Variants in KMT2D observed in about 807,000 individuals in gnomAD.
The protein encoded by KMT2D is histone-lysine N-methyltransferase 2D.
KMT2D carries 55 observed loss-of-function variants against 512.7 expected under a neutral mutation model. The observed-to-expected ratio is 0.11, with a 90% CI of 0.09 to 0.13. The LOEUF (loss-of-function observed/expected upper bound fraction) is 0.13, where lower values mean the gene tolerates loss of function less well. KMT2D is among the 10% of genes least tolerant of loss of function. The probability of loss-of-function intolerance (pLI) is 1.00; values close to 1 mark genes in which losing one functional copy is unlikely to be tolerated. For missense variants in KMT2D, 6,061 were observed against 7,127.9 expected (o/e 0.85, Z 5.39); for synonymous variants, 2,995 against 2,904.0 (o/e 1.03, Z -1.01).
chr12:49,046,286 T>C lies in KMT2D; in HGVS notation c.4557A>G (p.Leu1519=), dbSNP rs1405186936. ...ICHAPYVEED[L]LIQCRHCERW... ...GTTCACAGTGGCGGCACTGGATTAG[T>C]AGGTCCTCTTCTACGTAAGGAGCAT... is the stretch of plus-strand genomic sequence containing the variant. Residue 1519 remains leucine (L), a synonymous_variant, in exon 17 of 55, where the codon CTA becomes CTG. Coordinates refer to ENST00000301067, the MANE Select transcript of KMT2D (RefSeq NM_003482.4). The surrounding 1 kb of genome is among the most constrained non-coding windows in gnomAD (Gnocchi z 4.2). 6.2e-7 allele frequency: 1 copy of C among 1,613,856 alleles called. No individual in the cohort carries two copies. The highest frequency in any genetic ancestry group is 1.3e-5 in the African/African-American group (1 of 74,902).
chr12:49,060,120 C>A lies in KMT2D; in HGVS notation c.-545G>T, dbSNP rs917657204. ...CGCAGGAGCGCCGAGCCCCTCTCCCCGCCCCGGCCGGCGCCCGGGGCCGCG... is the reference window on the plus strand; with the variant it reads ...CGCAGGAGCGCCGAGCCCCTCTCCCAGCCCCGGCCGGCGCCCGGGGCCGCG... On this transcript the variant is annotated 5_prime_UTR_variant, in exon 1 of 55. Coordinates refer to ENST00000301067, the MANE Select transcript of KMT2D (RefSeq NM_003482.4). 1.3e-5 allele frequency among the ~76,000 whole-genome samples: 2 copies of A among 151,322 alleles called. No individual in the cohort carries two copies. Among genetic ancestry groups the A allele is most frequent in the African/African-American group, 4.8e-5 (2 of 41,266 alleles).
chr12:49,043,940 A>G lies in KMT2D; in HGVS notation c.5247T>C (p.Asp1749=). Residue 1749 remains aspartate, a synonymous_variant, in exon 23 of 55, where the codon GAT becomes GAC. Coordinates refer to ENST00000301067, the MANE Select transcript of KMT2D (RefSeq NM_003482.4). ...GAVEQSLAEG[D]EKKKQQRRGR... is the part of the protein sequence containing the mutation. ...CTCGCCGCTGTTGCTTCTTCTTCTC[A>G]TCCCCTTCAGCTAAGCTCTGCTCCA... 6.2e-7 allele frequency: 1 copy of G among 1,613,982 alleles called. No homozygotes were observed. Among genetic ancestry groups the G allele is most frequent in the South Asian group, 1.1e-5 (1 of 91,086 alleles).
Position 49,032,620 on chromosome 12 carries a change from C to T in KMT2D, c.12085G>A (p.Val4029Ile), listed in dbSNP as rs376131669. ...GCCTCTGAAGAAACGGCTGGGTCTA[C>T]GGTGTTTTGTTCCTTGCCCGTCAGG... ...LLLTGKEQNT[V>I]DPAVSSEATE... is the part of the protein sequence containing the mutation. The change falls in exon 40 of 55, where the codon GTA becomes ATA. Residue 4029 changes from valine (V) to isoleucine (I), a missense_variant. Val to Ile is a conservative substitution (Grantham distance 29). Coordinates refer to ENST00000301067, the MANE Select transcript of KMT2D (RefSeq NM_003482.4). 16 of 1,613,846 alleles carry T rather than the reference C, an allele frequency of 9.9e-6. No homozygotes were observed. The highest frequency in any genetic ancestry group is 9.3e-5 in the African/African-American group (7 of 74,904).
At position 49,039,512 on chromosome 12, in the gene KMT2D, C is replaced by T. The variant is rs1943384101; in HGVS notation, c.8152G>A (p.Gly2718Ser). The change falls in exon 33 of 55, where the codon GGC becomes AGC. Residue 2718 changes from glycine (G) to serine (S), a missense_variant. Transcript: ENST00000301067. This position sits in a 1 kb window ranked among gnomAD's most constrained non-coding sequence, Gnocchi z 5.0. Reference sequence around the variant, plus strand: ...CTGCTGGGCTCAGCACCCCAGCTGCCTGGAGGCCCCACTGCTCCTGCAGCT... The same window carrying T: ...CTGCTGGGCTCAGCACCCCAGCTGCTTGGAGGCCCCACTGCTCCTGCAGCT... ...AAAAGAVGPP[G>S]SWGAEPSSPA... is the part of the protein sequence containing the mutation. 4 of 1,612,260 alleles carry T rather than the reference C, an allele frequency of 2.5e-6. No individual in the cohort carries two copies. The highest frequency in any genetic ancestry group is 1.1e-5 in the South Asian group (1 of 90,888).
chr12:49,045,306 A>G (rs1215781131), intron 19 of KMT2D, among the ~76,000 whole-genome samples: 2 of 152,190 alleles, frequency 1.3e-5, no homozygotes, highest in African/African-American at 4.8e-5. Context: ...CAGCAGTGCC[A>G]TATCACGATG....
intron 48 of KMT2D, 37 bp from the exon 49 acceptor site, chr12:49,027,359 C>T (rs772894530): frequency 1.3e-5 from 19 of 1,472,898 alleles, no homozygotes; most frequent in Non-Finnish European, 1.7e-5. Context: ...GTGCCAGCTC[C>T]TCATCTAACT....
rs766434363 is a variant in KMT2D, at chr12:49,046,454, C to A, written c.4419-30G>T. 8 of 1,608,668 alleles carry A rather than the reference C, an allele frequency of 5.0e-6. No homozygotes were observed. Among genetic ancestry groups the A allele is most frequent in the Non-Finnish European group, 6.8e-6 (8 of 1,176,314 alleles). On this transcript the variant is annotated intron_variant, in intron 16 of 54. Transcript: ENST00000301067. This position sits in a 1 kb window ranked among gnomAD's most constrained non-coding sequence, Gnocchi z 4.2. Reference sequence around the variant, plus strand: ...TAGGAGCAGGAAAACAGAGCTTTAGCACCCAACCTACCCGAAGTACCCAGA... The same window carrying A: ...TAGGAGCAGGAAAACAGAGCTTTAGAACCCAACCTACCCGAAGTACCCAGA...
chr12:49,028,689 GCCTCTAGCCCAGGCTTTC>G, intron 46 of KMT2D, 121 bp downstream of exon 46: 1 of 1,138,934 alleles, frequency 8.8e-7, no homozygotes, highest in Non-Finnish European at 1.2e-6. Context: ...GAATCTCACA[GCCTCTAGCCCAGGCTTTC>G]ACATACAATA....
chr12:49,030,565 T>C, intron 42 of KMT2D, 36 bp downstream of exon 42: 1 of 1,533,218 alleles, frequency 6.5e-7, no homozygotes, highest in Non-Finnish European at 8.8e-7. Flanking sequence ...TCCCAAGAAC[T>C]TCACTATTCC....
chr12:49,026,426 C>G lies in KMT2D; in HGVS notation c.15540G>C (p.Val5180=), dbSNP rs149393179. ...CGATGGCGTGGAACACAAGGCCCCC[C>G]ACACGGAACATGTGCAGCCGTTCTC... ...QRGERLHMFR[V]GGLVFHAIGQ... is the part of the protein sequence containing the mutation. Residue 5180 remains valine, a synonymous_variant, in exon 49 of 55, where the codon GTG becomes GTC. Coordinates refer to ENST00000301067, the MANE Select transcript of KMT2D (RefSeq NM_003482.4). The surrounding 1 kb of genome is among the most constrained non-coding windows in gnomAD (Gnocchi z 9.6). 336 of 1,614,008 alleles carry G rather than the reference C, an allele frequency of 2.1e-4. 2 individuals are homozygous for G. In the East Asian group the frequency reaches 6.5e-3, roughly 31 times the overall value.
At chr12:49,048,860 A>C (rs1332710972) in intron 13 of KMT2D, 91 bp from the exon 14 acceptor site, 1 of 893,194 alleles carries the variant, frequency 1.1e-6, no homozygotes, top group African/African-American at 1.7e-5. Context: ...GAAAGTGTGA[A>C]CCCTTGGTTA....
chr12:49,034,586 C>A lies in KMT2D; in HGVS notation c.10436G>T (p.Gly3479Val), dbSNP rs754997072. 1.2e-6 allele frequency: 2 copies of A among 1,613,368 alleles called. No homozygotes were observed. Among genetic ancestry groups the A allele is most frequent in the Admixed American group, 3.3e-5 (2 of 59,922 alleles). Residue 3479 changes from glycine (G) to valine (V), a missense_variant, in exon 37 of 55, where the codon GGC (glycine) becomes GTC (valine). Gly to Val is a moderately radical substitution (Grantham distance 109). Around this residue, in one of 16 missense-constraint regions of KMT2D, gnomAD observed 533 missense variants for 539.6 expected, o/e 0.99. Transcript: ENST00000301067. Reference sequence around the variant, plus strand: ...TACTCCCACCTGACCACTTACCTGGCCACTCCCAGCTGCCACATGGTTCTG... The same window carrying A: ...TACTCCCACCTGACCACTTACCTGGACACTCCCAGCTGCCACATGGTTCTG... ...DLQNHVAAGS[G>V]QERSAGDPSQ...
Position 49,043,927 on chromosome 12 carries a change from G to T in KMT2D, c.5260C>A (p.Gln1754Lys). Residue 1754 changes from glutamine (Q) to lysine (K), a missense_variant, in exon 23 of 55, where the codon CAA (glutamine) becomes AAA (lysine). Coordinates refer to ENST00000301067, the MANE Select transcript of KMT2D (RefSeq NM_003482.4). ...CTCTTCTTGCGCCCTCGCCGCTGTT[G>T]CTTCTTCTTCTCATCCCCTTCAGCT... ...SLAEGDEKKK[Q>K]QRRGRKKSKL... 6.2e-7 allele frequency: 1 copy of T among 1,614,058 alleles called. No homozygotes were observed. Among genetic ancestry groups the T allele is most frequent in the Non-Finnish European group, 8.5e-7 (1 of 1,179,908 alleles).
Position 49,041,276 on chromosome 12 carries a change from G to A in KMT2D, c.6494C>T (p.Pro2165Leu), listed in dbSNP as rs779951879. Residue 2165 changes from proline to leucine, a missense_variant, in exon 32 of 55, where the codon CCC becomes CTC. Transcript: ENST00000301067. This position sits in a 1 kb window ranked among gnomAD's most constrained non-coding sequence, Gnocchi z 5.4. ...SPGELFLKLP[P>L]QVPAQVPSQD... Reference sequence around the variant, plus strand: ...CGAAGGCACTTGGGCGGGCACCTGGGGTGGGAGCTTGAGGAAGAGCTCACC... The same window carrying A: ...CGAAGGCACTTGGGCGGGCACCTGGAGTGGGAGCTTGAGGAAGAGCTCACC... 16 of 1,520,874 alleles carry A rather than the reference G, an allele frequency of 1.1e-5. No homozygotes were observed. The highest frequency in any genetic ancestry group is 1.4e-5 in the Non-Finnish European group (16 of 1,137,928). The allele number at this position is 1,520,874 out of a possible 1,614,324, so 94.2% of individuals were successfully genotyped here.
At position 49,052,231 on chromosome 12, in the gene KMT2D, G is replaced by A. The variant is rs1158397875; in HGVS notation, c.1452C>T (p.His484=). 4 of 1,612,568 alleles carry A rather than the reference G, an allele frequency of 2.5e-6. No individual in the cohort carries two copies. Among genetic ancestry groups the A allele is most frequent in the Non-Finnish European group, 3.4e-6 (4 of 1,179,422 alleles). ...LPASPLPEAL[H]LSRPLEESPL... is the part of the protein sequence containing the mutation. ...GCGATTCCTCCAGCGGCCGGGACAG[G>A]TGCAATGCCTCAGGAAGTGGGGATG... Residue 484 remains histidine, a synonymous_variant, in exon 11 of 55, where the codon CAC becomes CAT. Transcript: ENST00000301067.
At position 49,033,798 on chromosome 12, in the gene KMT2D, A is replaced by T; in HGVS notation, c.10907T>A (p.Leu3636His). 3.1e-6 allele frequency: 5 copies of T among 1,599,768 alleles called. No individual in the cohort carries two copies. Among genetic ancestry groups the T allele is most frequent in the Non-Finnish European group, 4.3e-6 (5 of 1,173,150 alleles). The change falls in exon 40 of 55, where the codon CTC (leucine) becomes CAC (histidine). Residue 3636 changes from leucine to histidine, a missense_variant. Physicochemically the swap from Leu to His is moderately conservative, Grantham distance 99. Transcript: ENST00000301067. ...RLLTKLPGQL[L>H]PGHGLQPPQG... ...TGGTGGCTGCAGCCCATGGCCAGGG[A>T]GCAGCTGACCAGGGAGCTTGGTGAG... is the stretch of plus-strand genomic sequence containing the variant.
chr12:49,033,612 C>G lies in KMT2D; in HGVS notation c.11093G>C (p.Gly3698Ala), dbSNP rs931451601. The change falls in exon 40 of 55, where the codon GGC (glycine) becomes GCC (alanine). Residue 3698 changes from glycine (G) to alanine (A), a missense_variant. Around this residue, in one of 16 missense-constraint regions of KMT2D, gnomAD observed 1,600 missense variants for 1,754.9 expected, o/e 0.91. Transcript: ENST00000301067. ...AAGAGCAAGGTTGCCAGGGAAGAAG[C>G]CCCCTGAAGGGCCAGCCAGGGATCC... ...GAGSLAGPSG[G>A]FFPGNLALRS... 1 of 1,613,470 alleles carries G rather than the reference C, an allele frequency of 6.2e-7. No individual in the cohort carries two copies. The highest frequency in any genetic ancestry group is 8.5e-7 in the Non-Finnish European group (1 of 1,179,832).
Position 49,022,388 on chromosome 12 carries a change from A to G in KMT2D, c.16339-35T>C, listed in dbSNP as rs756533380. On this transcript the variant is annotated intron_variant, in intron 52 of 54. Transcript: ENST00000301067. This position sits in a 1 kb window ranked among gnomAD's most constrained non-coding sequence, Gnocchi z 8.6. ...CAGAGGTTGCAGAAGAAGGGACAAG[A>G]GTATCAGAGAGTGGCAGTGGTGGCT... is the stretch of plus-strand genomic sequence containing the variant. 1.5e-5 allele frequency: 23 copies of G among 1,579,996 alleles called. 1 individual carries two copies. In the South Asian group the frequency reaches 2.3e-4, roughly 16 times the overall value.
chr12:49,031,163 C>T lies in KMT2D; in HGVS notation c.13530+12G>A, dbSNP rs1942888916. On this transcript the variant is annotated intron_variant, in intron 40 of 54. Coordinates refer to ENST00000301067, the MANE Select transcript of KMT2D (RefSeq NM_003482.4). ...CCCACTCTACCTGCTCCACTCTACTCAGAGTACTCACCTCCTTGTTGCTGG... is the reference window on the plus strand; with the variant it reads ...CCCACTCTACCTGCTCCACTCTACTTAGAGTACTCACCTCCTTGTTGCTGG... 6.2e-7 allele frequency: 1 copy of T among 1,607,070 alleles called. No individual in the cohort carries two copies. The highest frequency in any genetic ancestry group is 8.5e-7 in the Non-Finnish European group (1 of 1,175,922).
Sources: allele counts gnomAD v4.1 joint callset (sites outside exome capture counted in the v4.1 genomes callset), GRCh38; gene constraint gnomAD v4.1.1; regional missense constraint gnomAD v4.1.1; non-coding constraint Gnocchi (gnomAD v3.1); transcripts MANE v1.5; gene names NCBI Gene and HGNC (gene_info 2026-07-23, HGNC 2026-07-21).